Variants in TGFB1 observed in about 807,000 individuals in gnomAD.
TGFB1 encodes the protein transforming growth factor beta-1 proprotein.
In TGFB1, 19 loss-of-function variants were observed where a neutral mutation model predicts 43.8. The observed-to-expected ratio is 0.43, with a 90% CI of 0.30 to 0.64. The LOEUF (loss-of-function observed/expected upper bound fraction) is 0.64, where lower values mean the gene tolerates loss of function less well. Ranked by LOEUF, TGFB1 falls within the 30% of genes least tolerant of loss-of-function variation. TGFB1 has a pLI of 0.11. For synonymous variants in TGFB1, 221 were observed against 236.3 expected (o/e 0.94, Z 0.60); for missense variants, 445 against 529.8 (o/e 0.84, Z 1.57).
chr19:41,333,605 C>T (rs566996720), intron 5 of TGFB1, among the ~76,000 whole-genome samples: 19 of 152,264 alleles, frequency 1.2e-4, no homozygotes, highest in Non-Finnish European at 2.5e-4. Context: ...ACGATCCGCA[C>T]GCCTCGGCCT....
At position 41,332,299 on chromosome 19, in the gene TGFB1, G is replaced by C; in HGVS notation, c.861-18C>G. On this transcript the variant is annotated intron_variant, in intron 5 of 6. Coordinates refer to ENST00000221930, the MANE Select transcript of TGFB1 (RefSeq NM_000660.7). ...CCGTGGAGCTGCAGGCAGGAGAGACGCGTCAGGGGCAGGGAGGGGCTACCA... is the reference window on the plus strand; with the variant it reads ...CCGTGGAGCTGCAGGCAGGAGAGACCCGTCAGGGGCAGGGAGGGGCTACCA... 6.2e-7 allele frequency: 1 copy of C among 1,611,066 alleles called. No homozygotes were observed. The highest frequency in any genetic ancestry group is 8.5e-7 in the Non-Finnish European group (1 of 1,178,846).
At chr19:41,348,260 C>T in intron 2 of TGFB1, 35 bp downstream of exon 2, 2 of 1,610,176 alleles carry the variant, frequency 1.2e-6, no homozygotes, top group Non-Finnish European at 1.7e-6. Flanking sequence ...CTCTCCAGCC[C>T]ATGCCCTGAC....
chr19:41,348,400 T>C lies in TGFB1; in HGVS notation c.411A>G (p.Thr137=), dbSNP rs202071274. The C allele has an allele frequency of 1.2e-6, 2 of 1,613,424 alleles. No homozygotes were observed. Among genetic ancestry groups the C allele is most frequent in the Admixed American group, 3.3e-5 (2 of 59,944 alleles). The stretch of plus-strand genomic sequence containing the variant: ...CAGGTACCGCTTCTCGGAGCTCTGA[T>C]GTGTTGAAGAACATATATATGCTGT... ...STHSIYMFFN[T]SELREAVPEP... The change falls in exon 2 of 7, where the codon ACA becomes ACG. Residue 137 remains threonine (T), a synonymous_variant. Transcript: ENST00000221930.
rs1418322558 is a variant in TGFB1, at chr19:41,330,828, CAGAGAGGGAG to C, written c.*214_*223del. ...AATAGTGCAGACAGGCAGGAGGAGG[CAGAGAGGGAG>C]AGAGAGGGAGTGGGAGTGGGGGAAC... On this transcript the variant is annotated 3_prime_UTR_variant, in exon 7 of 7. Transcript: ENST00000221930. The C allele has an allele frequency of 1.9e-5, 10 of 513,758 alleles. No individual in the cohort carries two copies. Among genetic ancestry groups the C allele is most frequent in the Non-Finnish European group, 3.1e-5 (9 of 289,850 alleles). The allele number at this position is 513,758 out of a possible 1,614,324, so 31.8% of individuals were successfully genotyped here.
chr19:41,342,390 CTTTTTTTTT>C (rs55678429), intron 3 of TGFB1, 143 bp from the exon 4 acceptor site: 48 of 432,240 alleles, frequency 1.1e-4, no homozygotes, highest in African/African-American at 2.9e-4. Context: ...GCAGCTCTCT[CTTTTTTTTT>C]TTTTTTTTTT....
At chr19:41,337,456 T>C (rs1045569370) in intron 5 of TGFB1, among the ~76,000 whole-genome samples, 1 of 152,042 alleles carries the variant, frequency 6.6e-6, no homozygotes, top group African/African-American at 2.4e-5. Flanking sequence ...TTTGTATTTT[T>C]AGTACAGACA....
At chr19:41,342,419 A>G (rs2038068833) in intron 3 of TGFB1, among the ~76,000 whole-genome samples, 172 bp from the exon 4 acceptor site, 2 of 129,554 alleles carry the variant, frequency 1.5e-5, no homozygotes, top group South Asian at 2.4e-4. Context: ...TTTTTGAGAC[A>G]AGGTCTCGCA....
chr19:41,339,413 C>G (rs2038027353), intron 5 of TGFB1, among the ~76,000 whole-genome samples: 2 of 152,096 alleles, frequency 1.3e-5, no homozygotes, highest in Non-Finnish European at 2.9e-5. Context: ...GCCACCGCAC[C>G]TGGCCTTCAG....
chr19:41,339,288 T>A (rs546855642), intron 5 of TGFB1, among the ~76,000 whole-genome samples: 1 of 152,152 alleles, frequency 6.6e-6, no homozygotes, highest in African/African-American at 2.4e-5. Flanking sequence ...CTAGTTTTTT[T>A]GTATTTCTTG....
rs745931726 is a variant in TGFB1 at position 41,352,839 on chromosome 19, G to A, written c.206C>T (p.Pro69Leu). The A allele has an allele frequency of 1.5e-5, 23 of 1,575,162 alleles. No individual in the cohort carries two copies. The African/African-American group carries it at 2.4e-4, about 17-fold the overall frequency. Reference protein sequence around the residue: ...LASPPSQGEVPPGPLPEAVLA... With the variant: ...LASPPSQGEVLPGPLPEAVLA... Reference sequence around the variant, plus strand: ...CACGGCCTCGGGCAGCGGGCCGGGCGGCACCTCCCCCTGGCTCGGGGGGCT... The same window carrying A: ...CACGGCCTCGGGCAGCGGGCCGGGCAGCACCTCCCCCTGGCTCGGGGGGCT... The change falls in exon 1 of 7, where the codon CCG (proline) becomes CTG (leucine). Residue 69 changes from proline to leucine, a missense_variant. Pro to Leu is a moderately conservative substitution (Grantham distance 98, BLOSUM62 -3). This residue lies in a region of TGFB1 where 366 missense variants were observed against 428.8 expected (regional missense o/e 0.85). Coordinates refer to ENST00000221930, the MANE Select transcript of TGFB1 (RefSeq NM_000660.7).
chr19:41,349,219 T>C (rs967170462), intron 1 of TGFB1, among the ~76,000 whole-genome samples: 3 of 152,210 alleles, frequency 2.0e-5, no homozygotes, highest in African/African-American at 7.2e-5. Flanking sequence ...TCTTTCTGAA[T>C]GTCAGTTTCC....
intron 3 of TGFB1, among the ~76,000 whole-genome samples, chr19:41,343,971 G>T (rs2038086904): frequency 1.6e-5 from 2 of 123,108 alleles, no homozygotes; most frequent in African/African-American, 3.4e-5. Context: ...TGTTCCCTTT[G>T]CCTGGAATCT....
rs199517779 is a variant in TGFB1 at position 41,330,872 on chromosome 19, T to C, written c.*180A>G. The C allele has an allele frequency of 1.9e-6, 1 of 539,420 alleles. No homozygotes were observed. The highest frequency in any genetic ancestry group is 2.3e-5 in the South Asian group (1 of 43,246). 33.4% of individuals were successfully genotyped at this position (539,420 alleles called of 1,614,324 possible). The stretch of plus-strand genomic sequence containing the variant: ...AGTGGGAGTGGGGGAACGTCAGGGA[T>C]GGAGACCCCAGGCAGGCGCCCAATG... On this transcript the variant is annotated 3_prime_UTR_variant, in exon 7 of 7. Coordinates refer to ENST00000221930, the MANE Select transcript of TGFB1 (RefSeq NM_000660.7).
At chr19:41,351,433 C>T (rs1233055269) in intron 1 of TGFB1, among the ~76,000 whole-genome samples, 3 of 152,192 alleles carry the variant, frequency 2.0e-5, no homozygotes, top group African/African-American at 4.8e-5. Context: ...CGGGAGGCGC[C>T]GCAGCCAGGA....
chr19:41,351,791 ATCC>A (rs2038199784), intron 1 of TGFB1, among the ~76,000 whole-genome samples: 1 of 64,482 alleles, frequency 1.6e-5, no homozygotes, highest in Admixed American at 1.3e-4. Flanking sequence ...ATTCCCCTGC[ATCC>A]TGCGGGGAAT....
At chr19:41,348,839 G>T (rs530997503) in intron 1 of TGFB1, among the ~76,000 whole-genome samples, 2 of 151,816 alleles carry the variant, frequency 1.3e-5, no homozygotes, top group South Asian at 4.2e-4. Flanking sequence ...GGCCAGGATG[G>T]TCTCGATCTC....
At position 41,341,958 on chromosome 19, in the gene TGFB1, G is replaced by A. The variant is rs767192967; in HGVS notation, c.785C>T (p.Ala262Val). The change falls in exon 5 of 7, where the codon GCC (alanine) becomes GTC (valine). Residue 262 changes from alanine to valine, a missense_variant. Transcript: ENST00000221930. ...ATGCTGGGCCCTCTCCAGCGGGGTG[G>A]CCATGAGAAGCAGGAAAGGCCGGTT... is the stretch of plus-strand genomic sequence containing the variant. ...GMNRPFLLLM[A>V]TPLERAQHLQ... 3 of 1,614,194 alleles carry A rather than the reference G, an allele frequency of 1.9e-6. No homozygotes were observed. In the South Asian group the frequency reaches 3.3e-5, roughly 18 times the overall value.
At chr19:41,341,482 A>AAAAAAAAAAAAAAAAC (rs2038054856) in intron 5 of TGFB1, among the ~76,000 whole-genome samples, 1 of 150,090 alleles carries the variant, frequency 6.7e-6, no homozygotes, top group African/African-American at 2.4e-5. Flanking sequence ...AAAAAAAAAA[A>AAAAAAAAAAAAAAAAC]AAAAAAAAAG....
chr19:41,331,245 C>G, intron 6 of TGFB1, 35 bp from the exon 7 acceptor site: 1 of 1,475,278 alleles, frequency 6.8e-7, no homozygotes, highest in Non-Finnish European at 9.0e-7. Context: ...GCTCAGGGCT[C>G]GTGGAGGGAG....
Sources: gnomAD v4.1 joint callset for allele counts (sites outside exome capture counted in the v4.1 genomes callset) on GRCh38, gnomAD v4.1.1 for gene constraint, gnomAD v4.1.1 regional missense constraint, MANE v1.5 for transcripts, NCBI Gene and HGNC (gene_info 2026-07-23, HGNC 2026-07-21) for gene names.